The following ATPAF2 variants were observed in gnomAD, a reference collection of about 807,000 sequenced individuals.
ATPAF2 encodes the protein ATP12 homolog.
Under a neutral mutation model 36.6 loss-of-function variants are expected in ATPAF2, and 30 were observed. That is an observed-to-expected ratio of 0.82 (90% confidence interval 0.61 to 1.11). The LOEUF is 1.11. Among genes scored for constraint, ATPAF2 ranks in the 50% most tolerant of loss-of-function variants. The pLI, the probability that ATPAF2 is intolerant of heterozygous loss-of-function variation, is 0.00. For missense variants in ATPAF2, 321 were observed against 372.3 expected (o/e 0.86, Z 1.13); for synonymous variants, 140 against 152.6 (o/e 0.92, Z 0.61).
chr17:18,023,753 GGTAACATCACTTTT>G (rs1165537900), intron 5 of ATPAF2, among the ~76,000 whole-genome samples: 8 of 152,162 alleles, frequency 5.3e-5, no homozygotes, highest in Admixed American at 5.2e-4. Context: ...TGAACTGATT[GGTAACATCACTTTT>G]GTGGAAAACT....
At chr17:18,022,140 C>T (rs779287366) in intron 5 of ATPAF2, among the ~76,000 whole-genome samples, 1 of 152,220 alleles carries the variant, frequency 6.6e-6, no homozygotes, top group Admixed American at 6.5e-5. Flanking sequence ...CTGAAATGCT[C>T]ATTCATTCAC....
downstream of ATPAF2, chr17:18,016,236 T>G (rs987621930): frequency 2.5e-6 from 4 of 1,600,532 alleles, no homozygotes; most frequent in Middle Eastern, 1.7e-4. Context: ...TGGATGAACT[T>G]TTCTAGCTGA....
At chr17:18,016,721 C>T, downstream of ATPAF2, 1 of 1,289,308 alleles carries the variant, frequency 7.8e-7, no homozygotes, top group Non-Finnish European at 1.1e-6. Flanking sequence ...CAGCCCCAGC[C>T]AGGAGAAGGA....
intron 3 of ATPAF2, among the ~76,000 whole-genome samples, chr17:18,027,342 C>G (rs1419591692): frequency 6.6e-6 from 1 of 152,158 alleles, no homozygotes; most frequent in Non-Finnish European, 1.5e-5. Context: ...ACCAGGCCAA[C>G]CACCTCAGCA....
rs765826427 is a variant in ATPAF2, at chr17:18,026,336, CAGA to C, written c.402_404del (p.Phe134del). ...TCCATTACCAGATGGTGTCGGTGTC[CAGA>C]AACTTCACGGCTGCCCGGATCAGCT... On this transcript the variant is annotated inframe_deletion, in exon 4 of 8. Transcript: ENST00000474627. 69 of 1,614,212 alleles carry C rather than the reference CAGA, an allele frequency of 4.3e-5. No homozygotes were observed. The African/African-American group carries it at 8.8e-4, about 21-fold the overall frequency.
intron 7 of ATPAF2, 93 bp downstream of exon 7, chr17:18,021,030 T>A (rs2044461623): frequency 1.3e-6 from 2 of 1,501,404 alleles, no homozygotes; most frequent in Non-Finnish European, 1.8e-6. Flanking sequence ...AAAAGCCAAG[T>A]ATGCATAACT....
intron 1 of ATPAF2, among the ~76,000 whole-genome samples, chr17:18,037,075 ATAAATAAATAAATACG>A (rs2044713319): frequency 6.6e-6 from 1 of 152,202 alleles, no homozygotes. Flanking sequence ...CCATCTCAAA[ATAAATAAATAAATACG>A]TAAATAAATA....
downstream of ATPAF2, chr17:18,016,079 G>T (rs374340023): frequency 4.2e-5 from 67 of 1,613,806 alleles, no homozygotes; most frequent in Non-Finnish European, 5.3e-5. Context: ...TGTCGATAAA[G>T]ATACGATTGT....
At position 18,024,638 on chromosome 17, in the gene ATPAF2, T is replaced by C. The variant is rs372528353; in HGVS notation, c.489A>G (p.Glu163=). ...LQRNEWDPII[E]WAEKRYGVEI... ...GTACATCTTACCTTTTCTCAGCCCA[T>C]TCGATGATTGGATCCCACTCATTCC... The change falls in exon 5 of 8, where the codon GAA becomes GAG. Residue 163 remains glutamate, a synonymous_variant. Transcript: ENST00000474627. The C allele has an allele frequency of 1.1e-5, 17 of 1,613,944 alleles. No homozygotes were observed. The African/African-American group carries it at 2.3e-4, about 22-fold the overall frequency.
chr17:18,019,036 G>C (rs1236135311), intron 7 of ATPAF2, among the ~76,000 whole-genome samples: 3 of 152,120 alleles, frequency 2.0e-5, no homozygotes, highest in African/African-American at 7.2e-5. Flanking sequence ...CTATTTGAGA[G>C]ACTGAGGTAG....
chr17:18,028,106 T>C, intron 3 of ATPAF2, 126 bp downstream of exon 3: 2 of 1,142,858 alleles, frequency 1.7e-6, no homozygotes, highest in Non-Finnish European at 2.6e-6. Flanking sequence ...TGAGAGGAGG[T>C]GAATCCCTGG....
downstream of ATPAF2, chr17:18,016,366 A>C: frequency 4.7e-6 from 4 of 857,972 alleles, no homozygotes; most frequent in Non-Finnish European, 5.4e-6. Context: ...AGACTTTAAA[A>C]CCCATGGGCT....
chr17:18,022,314 C>T lies in ATPAF2; in HGVS notation c.504-457G>A, dbSNP rs371037259. Among the ~76,000 whole-genome samples the T allele has an allele frequency of 5.3e-5, 8 of 152,306 alleles. No homozygotes were observed. The South Asian group carries it at 8.3e-4, about 16-fold the overall frequency. On this transcript the variant is annotated intron_variant, in intron 5 of 7. Transcript: ENST00000474627. ...TCTTTTTTATTGAGACAGGGTCTCG[C>T]TCTGTCACTCAAGCTGGAGTGCGCT...
At chr17:18,018,846 C>T (rs940157577) in intron 7 of ATPAF2, among the ~76,000 whole-genome samples, 160 bp from the exon 8 acceptor site, 4 of 152,110 alleles carry the variant, frequency 2.6e-5, no homozygotes, top group African/African-American at 7.2e-5. Flanking sequence ...GGTAAGAACA[C>T]CCAGGTACGC....
At chr17:18,031,810 A>G (rs2044640547) in intron 1 of ATPAF2, among the ~76,000 whole-genome samples, 1 of 152,112 alleles carries the variant, frequency 6.6e-6, no homozygotes, top group Non-Finnish European at 1.5e-5. Flanking sequence ...TTTTTTTAGG[A>G]TCAGATCTGT....
At chr17:18,033,042 G>A (rs2044659168) in intron 1 of ATPAF2, among the ~76,000 whole-genome samples, 1 of 151,972 alleles carries the variant, frequency 6.6e-6, no homozygotes, top group South Asian at 2.1e-4. Context: ...ACAGCAAAGG[G>A]AGCCAAGTAA....
rs1176449069 is a variant in ATPAF2 at position 18,027,082 on chromosome 17, A to G, written c.325-666T>C. 2.0e-5 allele frequency among the ~76,000 whole-genome samples: 3 copies of G among 152,130 alleles called. No homozygotes were observed. In the East Asian group the frequency reaches 5.8e-4, roughly 29 times the overall value. ...CTAAAAATACAAAAATTAGCCTGGC[A>G]TGGTGGTGGACGTCTGTAATCCCAG... On this transcript the variant is annotated intron_variant, in intron 3 of 7. Coordinates refer to ENST00000474627, the MANE Select transcript of ATPAF2 (RefSeq NM_145691.4).
chr17:18,017,195 AAAAAAAAAAAAAAT>A (rs1311001507), downstream of ATPAF2, among the ~76,000 whole-genome samples: 139 of 148,810 alleles, frequency 9.3e-4, 1 homozygote, highest in East Asian at 0.015. Context: ...AAAAAAAAAA[AAAAAAAAAAAAAAT>A]GTTCATGTAG....
Position 18,021,115 on chromosome 17 carries a change from C to T in ATPAF2, c.732+8G>A. The T allele has an allele frequency of 1.2e-6, 2 of 1,610,804 alleles. No homozygotes were observed. Among genetic ancestry groups the T allele is most frequent in the Non-Finnish European group, 1.7e-6 (2 of 1,178,542 alleles). On this transcript the variant is annotated splice_region_variant and intron_variant, in intron 7 of 7. Transcript: ENST00000474627. ...GGGGGAGGCGGGACCTGAGGTGCTGCTCCTCACCTGGTACTCCTCCTCCAG... is the reference window on the plus strand; with the variant it reads ...GGGGGAGGCGGGACCTGAGGTGCTGTTCCTCACCTGGTACTCCTCCTCCAG...
Sources: allele counts gnomAD v4.1 joint callset (sites outside exome capture counted in the v4.1 genomes callset), GRCh38; gene constraint gnomAD v4.1.1; transcripts MANE v1.5; gene names NCBI Gene and HGNC (gene_info 2026-07-23, HGNC 2026-07-21).